Variants in SH3PXD2A observed in about 807,000 individuals in gnomAD.
The protein encoded by SH3PXD2A is SH3 and PX domain-containing protein 2A.
Under a neutral mutation model 115.2 loss-of-function variants are expected in SH3PXD2A, and 32 were observed. The ratio of observed to expected loss-of-function variants is 0.28; its 90% CI spans 0.21 to 0.37. SH3PXD2A has a LOEUF of 0.37. Among genes scored for constraint, SH3PXD2A ranks in the 10% least tolerant of loss-of-function variants. SH3PXD2A has a pLI of 1.00. For synonymous variants in SH3PXD2A, 610 were observed against 629.1 expected, an observed-to-expected ratio of 0.97 and a Z score of 0.45; for missense variants, 1,328 against 1,498.7, an observed-to-expected ratio of 0.89 and a Z score of 1.88.
At chr10:103,801,503 G>GT in intron 1 of SH3PXD2A, 141 bp from the exon 2 acceptor site, 1 of 545,742 alleles carries the variant, frequency 1.8e-6, no homozygotes, top group Non-Finnish European at 3.3e-6. Flanking sequence ...GGCTAGCACA[G>GT]TATCAGCTAC....
At chr10:103,785,499 C>T (rs1057289262) in intron 2 of SH3PXD2A, among the ~76,000 whole-genome samples, 3 of 152,150 alleles carry the variant, frequency 2.0e-5, no homozygotes, top group Admixed American at 6.5e-5. Context: ...ACTCATAGGG[C>T]CCCCGGGCAC....
intron 6 of SH3PXD2A, among the ~76,000 whole-genome samples, chr10:103,692,760 C>T (rs1237471848): frequency 6.6e-6 from 1 of 152,174 alleles, no homozygotes; most frequent in African/African-American, 2.4e-5. Flanking sequence ...CATGCACCCA[C>T]CCCCACACCC....
chr10:103,662,705 G>T (rs892769591), intron 7 of SH3PXD2A, among the ~76,000 whole-genome samples: 2 of 152,132 alleles, frequency 1.3e-5, no homozygotes, highest in Non-Finnish European at 2.9e-5. Context: ...GGCCTATGAT[G>T]TGCTTTTAGC....
chr10:103,844,569 T>G (rs2864002), intron 1 of SH3PXD2A, among the ~76,000 whole-genome samples: 3 of 152,208 alleles, frequency 2.0e-5, no homozygotes, highest in African/African-American at 7.2e-5. Flanking sequence ...AAGTTCCCCA[T>G]GAGGAGCACC....
At chr10:103,720,674 G>A (rs913956714) in intron 5 of SH3PXD2A, among the ~76,000 whole-genome samples, 11 of 152,314 alleles carry the variant, frequency 7.2e-5, no homozygotes, top group Middle Eastern at 3.4e-3. Context: ...GCTGTTACTC[G>A]ATCCCGTGTT....
At chr10:103,798,696 A>C (rs1335702885) in intron 2 of SH3PXD2A, among the ~76,000 whole-genome samples, 1 of 152,122 alleles carries the variant, frequency 6.6e-6, no homozygotes, top group East Asian at 1.9e-4. Flanking sequence ...AAAGGAAAGG[A>C]GCAAAACATT....
chr10:103,598,660 T>G lies in SH3PXD2A; in HGVS notation c.*3156A>C, dbSNP rs1176465919. ...TAGTCCGATCTGGTTTTCCTCCAGA[T>G]GGGTCAGAGCCCTAGGCCCCCTCCC... On this transcript the variant is annotated 3_prime_UTR_variant, in exon 15 of 15. Coordinates refer to ENST00000369774, the MANE Select transcript of SH3PXD2A (RefSeq NM_001394015.1). 2.0e-5 allele frequency: 3 copies of G among 152,690 alleles called. No individual in the cohort carries two copies. Among genetic ancestry groups the G allele is most frequent in the African/African-American group, 7.2e-5 (3 of 41,468 alleles). The allele number at this position is 152,690 out of a possible 1,614,324, so 9.5% of individuals were successfully genotyped here. A position where few individuals can be genotyped will look rare whatever the true frequency, so the allele number is the denominator to read the frequency against.
At chr10:103,845,632 G>A (rs1170305227) in intron 1 of SH3PXD2A, among the ~76,000 whole-genome samples, 2 of 152,164 alleles carry the variant, frequency 1.3e-5, no homozygotes, top group Non-Finnish European at 2.9e-5. Flanking sequence ...TGTCTATGGA[G>A]CAGCCATTCT....
chr10:103,829,609 G>A (rs1390704069), intron 1 of SH3PXD2A, among the ~76,000 whole-genome samples: 1 of 152,224 alleles, frequency 6.6e-6, no homozygotes, highest in East Asian at 1.9e-4. Context: ...AAGGACGGAG[G>A]GAGGCAGGAA....
chr10:103,594,829 A>C lies in SH3PXD2A; in HGVS notation c.*6987T>G, dbSNP rs2036111103. Reference sequence around the variant, plus strand: ...ATTCATACCAGGTGGCAGGCTCAGCAAACTGAACCACCACAGGTGTCAGAG... The same window carrying C: ...ATTCATACCAGGTGGCAGGCTCAGCCAACTGAACCACCACAGGTGTCAGAG... On this transcript the variant is annotated 3_prime_UTR_variant, in exon 15 of 15. Transcript: ENST00000369774. 6.6e-6 allele frequency: 1 copy of C among 152,236 alleles called. No individual in the cohort carries two copies. Among genetic ancestry groups the C allele is most frequent in the Non-Finnish European group, 1.5e-5 (1 of 68,042 alleles). 9.4% of individuals were successfully genotyped at this position (152,236 alleles called of 1,614,324 possible).
chr10:103,598,255 C>T lies in SH3PXD2A; in HGVS notation c.*3561G>A, dbSNP rs1055442496. ...TTGGACATAGGGGAAACCCACAGGG[C>T]ATGGGGCACACCTGCTGCTCAGGGT... On this transcript the variant is annotated 3_prime_UTR_variant, in exon 15 of 15. Coordinates refer to ENST00000369774, the MANE Select transcript of SH3PXD2A (RefSeq NM_001394015.1). The T allele has an allele frequency of 3.3e-5, 5 of 152,662 alleles. No individual in the cohort carries two copies. The East Asian group carries it at 7.7e-4, about 23-fold the overall frequency. 9.5% of individuals were successfully genotyped at this position (152,662 alleles called of 1,614,324 possible). A position where few individuals can be genotyped will look rare whatever the true frequency, so the allele number is the denominator to read the frequency against.
In SH3PXD2A at chr10:103,640,322, T is replaced by TA. The variant is rs34209665; in HGVS notation, c.605-13121dup. ...AGAGCGTGACTCCATCTAAAAAAAT[T>TA]AAAAAAAAAAAAAGAAAGAGCTAAG... On this transcript the variant is annotated intron_variant, in intron 8 of 14. Transcript: ENST00000369774. Among the ~76,000 whole-genome samples, 237 of 145,370 alleles carry TA rather than the reference T, an allele frequency of 1.6e-3. No individual in the cohort carries two copies. In the East Asian group the frequency reaches 0.019, roughly 11 times the overall value.
At chr10:103,769,546 T>C (rs748596635) in intron 2 of SH3PXD2A, among the ~76,000 whole-genome samples, 3 of 150,098 alleles carry the variant, frequency 2.0e-5, no homozygotes, top group African/African-American at 4.9e-5. Context: ...CCTCCCAGGA[T>C]CAAGCTATTC....
intron 8 of SH3PXD2A, among the ~76,000 whole-genome samples, chr10:103,656,473 T>C (rs2037213522): frequency 6.6e-6 from 1 of 152,182 alleles, no homozygotes; most frequent in African/African-American, 2.4e-5. Context: ...CAAGCTGCTG[T>C]CATGGTCGGA....
intron 3 of SH3PXD2A, among the ~76,000 whole-genome samples, chr10:103,748,712 C>T (rs1007024626): frequency 6.6e-6 from 1 of 152,136 alleles, no homozygotes; most frequent in Non-Finnish European, 1.5e-5. Flanking sequence ...GAGACAGGCA[C>T]ATCTGAGAAG....
chr10:103,796,599 T>C (rs909270916), intron 2 of SH3PXD2A, among the ~76,000 whole-genome samples: 1 of 152,050 alleles, frequency 6.6e-6, no homozygotes, highest in Admixed American at 6.6e-5. Flanking sequence ...TTCTCAAAAG[T>C]GTGTTCCTCA....
chr10:103,678,117 C>T (rs1276784577), intron 6 of SH3PXD2A: 2 of 1,288,850 alleles, frequency 1.6e-6, no homozygotes, highest in African/African-American at 1.5e-5. Context: ...ATGGACGCTA[C>T]AGGAAACAGG....
At chr10:103,834,421 A>G (rs1230487036) in intron 1 of SH3PXD2A, among the ~76,000 whole-genome samples, 2 of 152,252 alleles carry the variant, frequency 1.3e-5, no homozygotes, top group African/African-American at 2.4e-5. Flanking sequence ...ATAGCTGCCT[A>G]GGGTGGTGGT....
In SH3PXD2A at chr10:103,819,953, C is replaced by G. The variant is rs186438449; in HGVS notation, c.73-18591G>C. On this transcript the variant is annotated intron_variant, in intron 1 of 14. Coordinates refer to ENST00000369774, the MANE Select transcript of SH3PXD2A (RefSeq NM_001394015.1). ...GCAGTGGAGTGACTAGAATAGATCTCAGAGTGGGAGTGGGTTCCCCAGGGA... is the reference window on the plus strand; with the variant it reads ...GCAGTGGAGTGACTAGAATAGATCTGAGAGTGGGAGTGGGTTCCCCAGGGA... Among the ~76,000 whole-genome samples the G allele has an allele frequency of 1.8e-3, 280 of 152,238 alleles. 1 individual carries two copies. Among genetic ancestry groups the G allele is most frequent in the Non-Finnish European group, 2.9e-3 (196 of 68,014 alleles).
Sources: allele counts gnomAD v4.1 joint callset (sites outside exome capture counted in the v4.1 genomes callset), GRCh38; gene constraint gnomAD v4.1.1; transcripts MANE v1.5; gene names NCBI Gene and HGNC (gene_info 2026-07-23, HGNC 2026-07-21).